The following RERE variants were observed in gnomAD, a reference collection of about 807,000 sequenced individuals.
The protein encoded by RERE is arginine-glutamic acid dipeptide repeats.
RERE carries 40 observed loss-of-function variants against 146.1 expected under a neutral mutation model. The observed-to-expected ratio is 0.27, with a 90% CI of 0.21 to 0.36. The LOEUF is 0.36. Among genes scored for constraint, RERE ranks in the 10% least tolerant of loss-of-function variants. The pLI is 1.00. For synonymous variants in RERE, 1,003 were observed against 866.0 expected (o/e 1.16, Z -2.78); for missense variants, 1,933 against 2,138.7 (o/e 0.90, Z 1.90).
intron 11 of RERE, chr1:8,465,640 A>C (rs1163921885): frequency 2.1e-6 from 1 of 483,358 alleles, no homozygotes; most frequent in East Asian, 4.9e-5. Context: ...TGCACCAAAA[A>C]CAAGTTCAAA....
intron 12 of RERE, among the ~76,000 whole-genome samples, chr1:8,416,551 A>C (rs1478847329): frequency 6.9e-6 from 1 of 144,940 alleles, no homozygotes; most frequent in Non-Finnish European, 1.5e-5. Context: ...GCATAACTGC[A>C]CTCCAGCCTG....
chr1:8,389,509 C>T (rs974268858), intron 12 of RERE, among the ~76,000 whole-genome samples: 2 of 152,122 alleles, frequency 1.3e-5, no homozygotes, highest in African/African-American at 4.8e-5. Context: ...CAGGCGCACC[C>T]TAGCACGAAA....
intron 1 of RERE, among the ~76,000 whole-genome samples, chr1:8,746,638 A>G (rs777133244): frequency 2.6e-5 from 4 of 152,106 alleles, no homozygotes; most frequent in African/African-American, 4.8e-5. Flanking sequence ...TCAAAGAATC[A>G]TAAGTCAGAG....
At chr1:8,486,313 G>C (rs931057135) in intron 10 of RERE, among the ~76,000 whole-genome samples, 2 of 152,036 alleles carry the variant, frequency 1.3e-5, no homozygotes, top group Admixed American at 6.6e-5. Flanking sequence ...AGGCTCAAAA[G>C]ATTTCAAAAT....
chr1:8,361,792 T>C lies in RERE; in HGVS notation c.1987A>G (p.Arg663Gly), dbSNP rs1641591469. ...KVASDTEEADRTSSKKTKTQE... is the reference protein window; with the variant it reads ...KVASDTEEADGTSSKKTKTQE... ...GTTTTTGTCTTCTTGGAGCTGGTCC[T>C]GTCAGCCTCCTCCGTATCAGAGGCC... The change falls in exon 17 of 23, where the codon AGG (arginine) becomes GGG (glycine). Residue 663 changes from arginine (R) to glycine (G), a missense_variant. Arg to Gly is a moderately radical substitution (Grantham distance 125). Around this residue, in one of 11 missense-constraint regions of RERE, gnomAD observed 1,255 missense variants for 1,153.8 expected, o/e 1.09. Transcript: ENST00000400908. 2 of 1,613,850 alleles carry C rather than the reference T, an allele frequency of 1.2e-6. No homozygotes were observed. Among genetic ancestry groups the C allele is most frequent in the African/African-American group, 1.3e-5 (1 of 74,952 alleles).
chr1:8,546,066 TG>T (rs1553182915), intron 6 of RERE, among the ~76,000 whole-genome samples: 3 of 136,212 alleles, frequency 2.2e-5, no homozygotes, highest in Non-Finnish European at 4.6e-5. Context: ...CTCAGCTCAC[TG>T]AAGACTCAAC....
At chr1:8,607,094 C>T (rs1646722494) in intron 4 of RERE, among the ~76,000 whole-genome samples, 2 of 152,240 alleles carry the variant, frequency 1.3e-5, no homozygotes, top group African/African-American at 4.8e-5. Flanking sequence ...GACGCAGTGG[C>T]TCACAATTGT....
At chr1:8,679,213 G>T (rs1315154882) in intron 1 of RERE, among the ~76,000 whole-genome samples, 1 of 152,112 alleles carries the variant, frequency 6.6e-6, no homozygotes, top group Non-Finnish European at 1.5e-5. Context: ...TCAAGTACAA[G>T]AATATGCATA....
chr1:8,643,634 T>C (rs1647211695), intron 2 of RERE, among the ~76,000 whole-genome samples: 1 of 152,202 alleles, frequency 6.6e-6, no homozygotes, highest in African/African-American at 2.4e-5. Context: ...CCAAAGGTGA[T>C]ACTGAGAATA....
At chr1:8,634,656 G>T (rs957453083) in intron 2 of RERE, among the ~76,000 whole-genome samples, 1 of 152,166 alleles carries the variant, frequency 6.6e-6, no homozygotes, top group Non-Finnish European at 1.5e-5. Flanking sequence ...TTAAATCGTT[G>T]TTGTTTTCAT....
intron 1 of RERE, among the ~76,000 whole-genome samples, chr1:8,718,199 A>T (rs1012182403): frequency 2.0e-5 from 3 of 152,268 alleles, no homozygotes; most frequent in Non-Finnish European, 4.4e-5. Flanking sequence ...GAAAGTAAGC[A>T]GTCAATTTAC....
chr1:8,557,579 A>G (rs1332297381), intron 4 of RERE, 56 bp from the exon 5 acceptor site: 13 of 1,151,100 alleles, frequency 1.1e-5, no homozygotes, highest in South Asian at 6.2e-5. Flanking sequence ...CCACAAGTGC[A>G]TATCATACCC....
chr1:8,390,269 C>G (rs1642839249), intron 12 of RERE, among the ~76,000 whole-genome samples: 2 of 152,164 alleles, frequency 1.3e-5, no homozygotes, highest in African/African-American at 4.8e-5. Flanking sequence ...CACTCATGTA[C>G]AGAGAGGCCT....
At chr1:8,417,187 A>C (rs111867830) in intron 12 of RERE, among the ~76,000 whole-genome samples, 2,511 of 152,344 alleles carry the variant, frequency 0.016, 23 homozygotes, top group Non-Finnish European at 0.024. Context: ...CTGGAAGCTC[A>C]TATTGAATAC....
At chr1:8,446,305 A>G (rs1036515704) in intron 11 of RERE, among the ~76,000 whole-genome samples, 1 of 150,170 alleles carries the variant, frequency 6.7e-6, no homozygotes, top group Non-Finnish European at 1.5e-5. Context: ...TTTTTCTTTC[A>G]TTTCAACCTT....
At chr1:8,368,155 T>G (rs1353641773) in intron 12 of RERE, among the ~76,000 whole-genome samples, 1 of 152,212 alleles carries the variant, frequency 6.6e-6, no homozygotes, top group Non-Finnish European at 1.5e-5. Context: ...CAAGTCATTT[T>G]AGGGGCTACT....
chr1:8,805,660 A>C (rs146109538), intron 1 of RERE, among the ~76,000 whole-genome samples: 7,054 of 150,434 alleles, frequency 0.047, 535 homozygotes, highest in African/African-American at 0.16. Context: ...AAAAAAAAAA[A>C]AAAAACAAAA....
At chr1:8,440,131 C>T (rs1042183039) in intron 11 of RERE, among the ~76,000 whole-genome samples, 3 of 152,190 alleles carry the variant, frequency 2.0e-5, no homozygotes, top group Non-Finnish European at 4.4e-5. Context: ...ACATTGTGCC[C>T]AACACCAACT....
chr1:8,722,578 C>A (rs1283015087), intron 1 of RERE, among the ~76,000 whole-genome samples: 1 of 152,152 alleles, frequency 6.6e-6, no homozygotes, highest in Non-Finnish European at 1.5e-5. Context: ...TGGTTTCAAC[C>A]AACCACGGAC....
Sources: gnomAD v4.1 joint callset for allele counts (sites outside exome capture counted in the v4.1 genomes callset) on GRCh38, gnomAD v4.1.1 for gene constraint, gnomAD v4.1.1 regional missense constraint, MANE v1.5 for transcripts, NCBI Gene and HGNC (gene_info 2026-07-23, HGNC 2026-07-21) for gene names.